ATP2C1: variants seen among roughly 807,000 people sequenced by gnomAD.
ATP2C1 encodes the protein calcium-transporting ATPase type 2C member 1.
ATP2C1 carries 31 observed loss-of-function variants against 120.5 expected under a neutral mutation model. The ratio of observed to expected loss-of-function variants is 0.26; its 90% confidence interval spans 0.19 to 0.35. The LOEUF is 0.35. Ranked by LOEUF, ATP2C1 falls within the 10% of genes least tolerant of loss-of-function variation. The probability of loss-of-function intolerance (pLI) is 1.00; values close to 1 mark genes in which losing one functional copy is unlikely to be tolerated. For synonymous variants in ATP2C1, 351 were observed against 358.7 expected (o/e 0.98, Z 0.24); for missense variants, 731 against 1,107.5 (o/e 0.66, Z 4.83).
At chr3:130,918,507 G>T in intron 2 of ATP2C1, 1 of 766,340 alleles carries the variant, frequency 1.3e-6, no homozygotes, top group Non-Finnish European at 2.4e-6. Context: ...TTGTAGGCAT[G>T]TGAGGCTGAA....
intron 8 of ATP2C1, 80 bp downstream of exon 8, chr3:130,941,779 T>A: frequency 1.7e-6 from 2 of 1,160,918 alleles, no homozygotes; most frequent in Non-Finnish European, 2.6e-6. Flanking sequence ...TTTAAGGAAT[T>A]AACACATAGT....
intron 1 of ATP2C1, among the ~76,000 whole-genome samples, chr3:130,876,726 T>G (rs923950869): frequency 5.9e-5 from 9 of 152,176 alleles, no homozygotes; most frequent in Non-Finnish European, 8.8e-5. Flanking sequence ...TTAACAATAC[T>G]AATTCTTTCA....
intron 5 of ATP2C1, among the ~76,000 whole-genome samples, chr3:130,936,860 A>G (rs2059696532): frequency 6.6e-6 from 1 of 151,440 alleles, no homozygotes; most frequent in Non-Finnish European, 1.5e-5. Flanking sequence ...AAAATAAAAA[A>G]GAAAAAATGC....
At position 130,967,443 on chromosome 3, in the gene ATP2C1, T is replaced by A. The variant is rs760631911; in HGVS notation, c.1308+24T>A. Reference sequence around the variant, plus strand: ...AGGTACGTACCTAAATTTCTCTTCTTTGACATTTGAGACACTGCCCTCACA... The same window carrying A: ...AGGTACGTACCTAAATTTCTCTTCTATGACATTTGAGACACTGCCCTCACA... On this transcript the variant is annotated intron_variant, in intron 16 of 27. Transcript: ENST00000510168. 5.0e-6 allele frequency: 8 copies of A among 1,592,300 alleles called. No individual in the cohort carries two copies. In the Admixed American group the frequency reaches 1.0e-4, roughly 20 times the overall value.
chr3:130,970,995 T>C (rs1299363567), intron 17 of ATP2C1, among the ~76,000 whole-genome samples: 1 of 152,154 alleles, frequency 6.6e-6, no homozygotes, highest in Non-Finnish European at 1.5e-5. Context: ...AAGAAGACAA[T>C]TGGAAATAAA....
chr3:130,931,964 T>G (rs2059469854), intron 3 of ATP2C1, 58 bp from the exon 4 acceptor site: 1 of 1,105,758 alleles, frequency 9.0e-7, no homozygotes, highest in Non-Finnish European at 1.4e-6. Context: ...TGTGCTTTTT[T>G]GTGTTTTTCT....
intron 1 of ATP2C1, among the ~76,000 whole-genome samples, chr3:130,865,452 G>A (rs930441141): frequency 2.6e-5 from 4 of 152,164 alleles, no homozygotes; most frequent in African/African-American, 9.7e-5. Flanking sequence ...GGGAGGGCAT[G>A]ATTGGTTTTG....
intron 1 of ATP2C1, among the ~76,000 whole-genome samples, chr3:130,878,231 T>A (rs1412383810): frequency 1.3e-5 from 2 of 152,078 alleles, no homozygotes; most frequent in Non-Finnish European, 2.9e-5. Context: ...GGCACATGTA[T>A]ACATATGTAA....
intron 2 of ATP2C1, among the ~76,000 whole-genome samples, chr3:130,906,691 T>TC (rs397877189): frequency 6.6e-6 from 1 of 151,040 alleles, no homozygotes; most frequent in Non-Finnish European, 1.5e-5. Context: ...TTTTTTTTTT[T>TC]CCATTGCATC....
chr3:130,861,965 G>A (rs991499918), intron 1 of ATP2C1, among the ~76,000 whole-genome samples: 1 of 151,882 alleles, frequency 6.6e-6, no homozygotes, highest in South Asian at 2.1e-4. Context: ...TTTTGATTTT[G>A]ATTTTTTAAT....
intron 1 of ATP2C1, among the ~76,000 whole-genome samples, chr3:130,854,567 A>T (rs1052032733): frequency 6.6e-6 from 1 of 152,178 alleles, no homozygotes; most frequent in African/African-American, 2.4e-5. Context: ...CAGGTGATCA[A>T]GCGGGACACT....
chr3:131,003,314 T>C, downstream of ATP2C1: 1 of 323,434 alleles, frequency 3.1e-6, no homozygotes, highest in East Asian at 1.7e-4. Context: ...CAATTTTCCA[T>C]AATATATTAA....
In ATP2C1 at chr3:130,871,795, C is replaced by T. The variant is rs148357871; in HGVS notation, c.108+20867C>T. Among the ~76,000 whole-genome samples the T allele has an allele frequency of 1.9e-3, 290 of 152,204 alleles. 2 individuals are homozygous for T. The highest frequency in any genetic ancestry group is 0.018 in the East Asian group (94 of 5,166). On this transcript the variant is annotated intron_variant, in intron 1 of 26. Coordinates refer to the ATP2C1 transcript ENST00000504381. ...CCAAACTTTGGGAGGCAGAGGCCGG[C>T]GGATCAGCTGAAGTAAGGAGTTCCA...
At chr3:130,850,667 G>A (rs1023816874) in exon 1 of ATP2C1, 1 of 449,674 alleles carries the variant, frequency 2.2e-6, no homozygotes, top group Non-Finnish European at 3.9e-6. Context: ...CTACCCAAAA[G>A]AGGAAACAGC....
chr3:130,894,288 C>T lies in ATP2C1; in HGVS notation c.-230C>T, dbSNP rs2069376774. ...GAGGCGCGCGGGGCGCCCCCGCGAG[C>T]CCCGCGGCTGAGACCCCGCAGCCTG... On this transcript the variant is annotated 5_prime_UTR_variant, in exon 1 of 28. Transcript: ENST00000510168. The surrounding 1 kb of genome is among the most constrained non-coding windows in gnomAD (Gnocchi z 4.5). 4 of 986,342 alleles carry T rather than the reference C, an allele frequency of 4.1e-6. No individual in the cohort carries two copies. The highest frequency in any genetic ancestry group is 3.6e-6 in the Non-Finnish European group (3 of 830,532). The allele number at this position is 986,342 out of a possible 1,614,324, so 61.1% of individuals were successfully genotyped here.
At chr3:130,888,824 G>A (rs2069067067) in intron 1 of ATP2C1, among the ~76,000 whole-genome samples, 1 of 152,104 alleles carries the variant, frequency 6.6e-6, no homozygotes, top group South Asian at 2.1e-4. Flanking sequence ...TTCTTGTGAT[G>A]GTATGCAGTT....
chr3:130,963,159 C>T (rs965060880), intron 12 of ATP2C1: 11 of 152,018 alleles, frequency 7.2e-5, no homozygotes, highest in African/African-American at 9.6e-5. Context: ...TGATAAAATA[C>T]GCATATTATA....
chr3:130,895,146 CTG>C (rs1223979406), intron 2 of ATP2C1, among the ~76,000 whole-genome samples: 1 of 152,180 alleles, frequency 6.6e-6, no homozygotes, highest in Middle Eastern at 3.4e-3. Context: ...GGCTGCATCT[CTG>C]TATATTGGCG....
chr3:130,976,588 C>G (rs944939422), intron 18 of ATP2C1, among the ~76,000 whole-genome samples: 1 of 152,134 alleles, frequency 6.6e-6, no homozygotes, highest in African/African-American at 2.4e-5. Context: ...AGGAAAACAA[C>G]TTTTCCTTCC....
Sources: gnomAD v4.1 joint callset for allele counts (sites outside exome capture counted in the v4.1 genomes callset) on GRCh38, gnomAD v4.1.1 for gene constraint, Gnocchi (gnomAD v3.1) non-coding constraint, MANE v1.5 for transcripts, NCBI Gene and HGNC (gene_info 2026-07-23, HGNC 2026-07-21) for gene names.